DRC7: variants seen among roughly 807,000 people sequenced by gnomAD.
DRC7 encodes coiled-coil domain containing 135.
DRC7 carries 80 observed loss-of-function variants against 104.4 expected under a neutral mutation model. The observed-to-expected ratio is 0.77, with a 90% CI of 0.64 to 0.92. The LOEUF is 0.92. DRC7 is among the 40% of genes least tolerant of loss of function. DRC7 has a pLI of 0.00. For missense variants in DRC7, 1,034 were observed against 1,141.1 expected, an observed-to-expected ratio of 0.91 and a Z score of 1.35; for synonymous variants, 405 against 447.3, an observed-to-expected ratio of 0.91 and a Z score of 1.19.
chr16:57,714,915 T>C, intron 8 of DRC7: 1 of 217,550 alleles, frequency 4.6e-6, no homozygotes, highest in Non-Finnish European at 9.7e-6. Flanking sequence ...TCCCAAAGCA[T>C]CCCTTTGGGA....
chr16:57,698,364 C>T (rs1397993755), intron 3 of DRC7, among the ~76,000 whole-genome samples: 7 of 152,184 alleles, frequency 4.6e-5, no homozygotes, highest in African/African-American at 7.2e-5. Context: ...CTCAGCCTCT[C>T]GGTGCCTCAG....
intron 17 of DRC7, among the ~76,000 whole-genome samples, chr16:57,729,952 GGAT>G: frequency 2.2e-5 from 2 of 92,662 alleles, no homozygotes; most frequent in Non-Finnish European, 5.2e-5. Context: ...GTGGGTGGGT[GGAT>G]GGATGGATGG....
In DRC7 at chr16:57,707,559, A is replaced by G; in HGVS notation, c.958A>G (p.Ile320Val). 1.9e-6 allele frequency: 3 copies of G among 1,613,580 alleles called. No individual in the cohort carries two copies. The highest frequency in any genetic ancestry group is 2.5e-6 in the Non-Finnish European group (3 of 1,180,018). ...GCGCGAGGTGCCTGAGAACTTCTTC[A>G]TCGACCCATTCACAGGACATAGCTA... ...GKREVPENFFIDPFTGHSYST... is the reference protein window; with the variant it reads ...GKREVPENFFVDPFTGHSYST... The change falls in exon 8 of 19, where the codon ATC becomes GTC. Residue 320 changes from isoleucine to valine, a missense_variant. Ile to Val is a conservative substitution (Grantham distance 29, BLOSUM62 3). Transcript: ENST00000360716.
intron 8 of DRC7, among the ~76,000 whole-genome samples, chr16:57,717,094 G>A (rs1348580234): frequency 6.6e-6 from 1 of 151,588 alleles, no homozygotes; most frequent in Non-Finnish European, 1.5e-5. Flanking sequence ...GGAGATAGAG[G>A]TTGCAGTGAG....
At chr16:57,712,668 TGTTTTG>T in intron 8 of DRC7, among the ~76,000 whole-genome samples, 1 of 135,170 alleles carries the variant, frequency 7.4e-6, no homozygotes, top group Admixed American at 9.0e-5. Context: ...GACTGTTTTT[TGTTTTG>T]TTTTTTTTTT....
At chr16:57,717,034 T>C (rs1223607113) in intron 8 of DRC7, among the ~76,000 whole-genome samples, 1 of 151,524 alleles carries the variant, frequency 6.6e-6, no homozygotes, top group African/African-American at 2.4e-5. Context: ...GGCGAGCACT[T>C]GTAGTCCCAG....
intron 4 of DRC7, among the ~76,000 whole-genome samples, chr16:57,699,675 T>A (rs762222637): frequency 6.6e-6 from 1 of 152,114 alleles, no homozygotes; most frequent in Non-Finnish European, 1.5e-5. Flanking sequence ...AGAACCTCTG[T>A]AGGCCCCAGG....
chr16:57,718,842 A>G (rs2048873149), intron 9 of DRC7, among the ~76,000 whole-genome samples: 2 of 152,186 alleles, frequency 1.3e-5, no homozygotes, highest in East Asian at 1.9e-4. Context: ...TTTAAAAATT[A>G]GCTGGCTGTG....
chr16:57,705,933 C>T (rs534189547), intron 7 of DRC7, among the ~76,000 whole-genome samples: 1 of 139,926 alleles, frequency 7.1e-6, no homozygotes, highest in African/African-American at 2.7e-5. Context: ...CATCCATCCT[C>T]TCATCCATCC....
At position 57,731,376 on chromosome 16, in the gene DRC7, G is replaced by A; in HGVS notation, c.*118G>A. On this transcript the variant is annotated 3_prime_UTR_variant, in exon 19 of 19. Coordinates refer to ENST00000360716, the MANE Select transcript of DRC7 (RefSeq NM_001289162.2). ...GTTTACACAGACACCTGGCCTCACT[G>A]CCAGCCCACCTCCCCTACAGCCCTG... The A allele has an allele frequency of 1.4e-6, 1 of 714,800 alleles. No individual in the cohort carries two copies. The highest frequency in any genetic ancestry group is 2.4e-6 in the Non-Finnish European group (1 of 420,948). 44.3% of individuals were successfully genotyped at this position (714,800 alleles called of 1,614,324 possible). A position where few individuals can be genotyped will look rare whatever the true frequency, so the allele number is the denominator to read the frequency against.
intron 13 of DRC7, 99 bp from the exon 14 acceptor site, chr16:57,725,969 G>T: frequency 1.0e-6 from 1 of 1,004,966 alleles, no homozygotes; most frequent in East Asian, 2.6e-5. Flanking sequence ...CCAGACTCCA[G>T]TGTCCTGAAC....
At chr16:57,716,212 G>A (rs774366394) in intron 8 of DRC7, among the ~76,000 whole-genome samples, 1 of 152,128 alleles carries the variant, frequency 6.6e-6, no homozygotes, top group African/African-American at 2.4e-5. Flanking sequence ...CCAAGAGTGC[G>A]AATAGGTTGG....
chr16:57,722,844 A>G lies in DRC7; in HGVS notation c.1408+3A>G. 1 of 1,613,666 alleles carries G rather than the reference A, an allele frequency of 6.2e-7. No individual in the cohort carries two copies. Among genetic ancestry groups the G allele is most frequent in the South Asian group, 1.1e-5 (1 of 91,076 alleles). On this transcript the variant is annotated splice_donor_region_variant and intron_variant, in intron 11 of 18. Coordinates refer to ENST00000360716, the MANE Select transcript of DRC7 (RefSeq NM_001289162.2). Reference sequence around the variant, plus strand: ...CACCACCTATGAGGACTTGCAGTGTAAGGGGGATTGCTCTGGACATGGGTC... The same window carrying G: ...CACCACCTATGAGGACTTGCAGTGTGAGGGGGATTGCTCTGGACATGGGTC...
At position 57,707,625 on chromosome 16, in the gene DRC7, T is replaced by C. The variant is rs1416408179; in HGVS notation, c.1024T>C (p.Trp342Arg). Reference protein sequence around the residue: ...DEHFLGIESLWNHKNYWINMQ... With the variant: ...DEHFLGIESLRNHKNYWINMQ... ...GCACTTCCTGGGCATCGAAAGCCTG[T>C]GGAACCACAAGAACTACTGGATCAA... is the stretch of plus-strand genomic sequence containing the variant. Residue 342 changes from tryptophan (W) to arginine (R), a missense_variant, in exon 8 of 19, where the codon TGG (tryptophan) becomes CGG (arginine). Transcript: ENST00000360716. 1 of 1,613,426 alleles carries C rather than the reference T, an allele frequency of 6.2e-7. No homozygotes were observed. The highest frequency in any genetic ancestry group is 8.5e-7 in the Non-Finnish European group (1 of 1,180,028).
At chr16:57,728,621 C>T (rs2049002573) in intron 17 of DRC7, 37 bp downstream of exon 17, 1 of 1,500,718 alleles carries the variant, frequency 6.7e-7, no homozygotes, top group Non-Finnish European at 9.0e-7. Flanking sequence ...GGGGGGATCT[C>T]AGCATCTGCA....
At chr16:57,697,328 A>G (rs778866576) in intron 2 of DRC7, among the ~76,000 whole-genome samples, 39 of 152,154 alleles carry the variant, frequency 2.6e-4, no homozygotes, top group Non-Finnish European at 4.7e-4. Context: ...TAATCCCAGC[A>G]CTTTGGGAGG....
At chr16:57,707,379 C>T in intron 7 of DRC7, 81 bp from the exon 8 acceptor site, 1 of 1,344,678 alleles carries the variant, frequency 7.4e-7, no homozygotes, top group Non-Finnish European at 1.0e-6. Context: ...CTGCTGGTTC[C>T]CCAGCCCCAG....
At chr16:57,695,178 T>C (rs1283091127) in intron 1 of DRC7, among the ~76,000 whole-genome samples, 1 of 148,898 alleles carries the variant, frequency 6.7e-6, no homozygotes, top group Non-Finnish European at 1.5e-5. Context: ...TCTGATGGTG[T>C]TCTGGGACTG....
At chr16:57,704,380 C>A (rs2048690579) in intron 6 of DRC7, among the ~76,000 whole-genome samples, 1 of 72,328 alleles carries the variant, frequency 1.4e-5, no homozygotes, top group Non-Finnish European at 3.2e-5. Context: ...CAAGCGTACA[C>A]ACACACACAC....
Sources: gnomAD v4.1 joint callset for allele counts (sites outside exome capture counted in the v4.1 genomes callset) on GRCh38, gnomAD v4.1.1 for gene constraint, MANE v1.5 for transcripts, NCBI Gene and HGNC (gene_info 2026-07-23, HGNC 2026-07-21) for gene names.